Variants in PCDH9 observed in about 807,000 individuals in gnomAD.
The protein encoded by PCDH9 is protocadherin 9.
In PCDH9, 24 loss-of-function variants were observed where a neutral mutation model predicts 70.6. That is an observed-to-expected ratio of 0.34 (90% CI 0.25 to 0.48). PCDH9 has a LOEUF of 0.48. PCDH9 is among the 20% of genes least tolerant of loss of function. The pLI, the probability that PCDH9 is intolerant of heterozygous loss-of-function variation, is 0.99. For synonymous variants in PCDH9, 562 were observed against 558.5 expected (o/e 1.01, Z -0.09); for missense variants, 1,281 against 1,503.6 (o/e 0.85, Z 2.45).
chr13:67,151,322 C>G (rs1400669417), intron 2 of PCDH9, among the ~76,000 whole-genome samples: 3 of 152,092 alleles, frequency 2.0e-5, no homozygotes, highest in Non-Finnish European at 4.4e-5. Context: ...TTTGTATCCC[C>G]CAATTTGTTC....
chr13:67,080,052 C>T (rs1220166807), intron 2 of PCDH9, among the ~76,000 whole-genome samples: 1 of 152,132 alleles, frequency 6.6e-6, no homozygotes, highest in Non-Finnish European at 1.5e-5. Context: ...CAATTCCTGT[C>T]TCCCTGAAAT....
In PCDH9 at chr13:66,864,954, G is replaced by A. The variant is rs570172997; in HGVS notation, c.3138+38550C>T. ...CGTGGTGAGAACCTGCAGGAAAGAC[G>A]AGAACTACAGAAGGAGGACAAATAC... is the stretch of plus-strand genomic sequence containing the variant. On this transcript the variant is annotated intron_variant, in intron 3 of 4. Transcript: ENST00000377865. Among the ~76,000 whole-genome samples the A allele has an allele frequency of 2.0e-4, 30 of 152,280 alleles. 1 individual carries two copies. Among genetic ancestry groups the A allele is most frequent in the Admixed American group, 1.5e-3 (23 of 15,286 alleles).
intron 3 of PCDH9, among the ~76,000 whole-genome samples, chr13:66,848,629 A>G (rs183167313): frequency 8.7e-4 from 132 of 152,258 alleles, no homozygotes; most frequent in Non-Finnish European, 1.5e-3. Flanking sequence ...TCTAGAATGT[A>G]TAAGAGGAGC....
At chr13:66,999,261 G>C (rs1208084818) in intron 2 of PCDH9, among the ~76,000 whole-genome samples, 1 of 152,110 alleles carries the variant, frequency 6.6e-6, no homozygotes, top group Non-Finnish European at 1.5e-5. Context: ...GCAAAGTTGA[G>C]ATACAGGTTT....
chr13:66,626,107 G>T (rs1052144372), intron 4 of PCDH9, among the ~76,000 whole-genome samples: 10 of 152,084 alleles, frequency 6.6e-5, no homozygotes, highest in African/African-American at 2.4e-4. Context: ...TAGAGGAGTT[G>T]TGCTTTTGAG....
At chr13:66,357,164 A>G (rs1956398095) in intron 4 of PCDH9, among the ~76,000 whole-genome samples, 2 of 152,104 alleles carry the variant, frequency 1.3e-5, no homozygotes, top group African/African-American at 2.4e-5. Flanking sequence ...AAATAAACTC[A>G]GAAGTCCTAC....
intron 2 of PCDH9, among the ~76,000 whole-genome samples, chr13:67,150,694 C>T (rs1201783663): frequency 1.3e-5 from 2 of 152,102 alleles, no homozygotes; most frequent in African/African-American, 4.8e-5. Context: ...AAACCATTTG[C>T]AACTAACATA....
intron 3 of PCDH9, among the ~76,000 whole-genome samples, chr13:66,738,562 C>A: frequency 8.2e-6 from 1 of 121,460 alleles, no homozygotes; most frequent in Non-Finnish European, 1.8e-5. Flanking sequence ...GGAGGACATT[C>A]AAACGAAAGG....
At chr13:66,729,983 A>C (rs532459749) in intron 3 of PCDH9, among the ~76,000 whole-genome samples, 3 of 152,160 alleles carry the variant, frequency 2.0e-5, no homozygotes, top group Non-Finnish European at 4.4e-5. Flanking sequence ...GTAGAATAAT[A>C]TATGTTTAAC....
At chr13:66,975,883 A>G (rs1849000417) in intron 2 of PCDH9, among the ~76,000 whole-genome samples, 1 of 152,064 alleles carries the variant, frequency 6.6e-6, no homozygotes, top group Non-Finnish European at 1.5e-5. Context: ...GGAACTTTAC[A>G]ATGAGTGGAA....
At chr13:67,087,687 C>T (rs997578071) in intron 2 of PCDH9, among the ~76,000 whole-genome samples, 1 of 152,012 alleles carries the variant, frequency 6.6e-6, no homozygotes, top group Non-Finnish European at 1.5e-5. Context: ...ACAACACAGG[C>T]CAATGTGTTT....
chr13:66,949,512 C>A (rs1383601649), intron 2 of PCDH9, among the ~76,000 whole-genome samples: 4 of 151,914 alleles, frequency 2.6e-5, no homozygotes, highest in Non-Finnish European at 5.9e-5. Flanking sequence ...ATGGAGTAGG[C>A]AGCTTATGGG....
At chr13:67,135,578 T>G (rs1028267741) in intron 2 of PCDH9, among the ~76,000 whole-genome samples, 4 of 152,066 alleles carry the variant, frequency 2.6e-5, no homozygotes, top group Non-Finnish European at 5.9e-5. Context: ...AATTTCACGG[T>G]AAGAACATTG....
chr13:67,225,359 G>C (rs1350278832), intron 2 of PCDH9, 46 bp downstream of exon 2: 4 of 1,562,174 alleles, frequency 2.6e-6, no homozygotes, highest in Non-Finnish European at 3.5e-6. Context: ...TGGTTGACTG[G>C]GCACTTGTAT....
At chr13:66,556,662 C>T (rs377455731) in intron 4 of PCDH9, among the ~76,000 whole-genome samples, 4 of 152,094 alleles carry the variant, frequency 2.6e-5, no homozygotes, top group East Asian at 3.9e-4. Flanking sequence ...TGATGTTTGC[C>T]TGAACTGCAT....
intron 4 of PCDH9, among the ~76,000 whole-genome samples, chr13:66,424,573 G>T (rs974710611): frequency 1.3e-5 from 2 of 151,902 alleles, no homozygotes; most frequent in African/African-American, 4.8e-5. Context: ...TAAAGTAAAA[G>T]TCTGTATAGC....
Position 66,349,050 on chromosome 13 carries a change from G to T in PCDH9, c.3341-44022C>A, listed in dbSNP as rs540840993. On this transcript the variant is annotated intron_variant, in intron 4 of 4. Coordinates refer to ENST00000377865, the MANE Select transcript of PCDH9 (RefSeq NM_203487.3). ...GAAGTATCTAGAAAATAGATTTCTG[G>T]ACTCAAACCAAACATCCTCAATCAG... is the stretch of plus-strand genomic sequence containing the variant. Among the ~76,000 whole-genome samples, 7 of 152,148 alleles carry T rather than the reference G, an allele frequency of 4.6e-5. No individual in the cohort carries two copies. In the East Asian group the frequency reaches 1.2e-3, roughly 25 times the overall value.
At chr13:66,478,857 T>A (rs544561594) in intron 4 of PCDH9, among the ~76,000 whole-genome samples, 2 of 152,232 alleles carry the variant, frequency 1.3e-5, no homozygotes, top group South Asian at 2.1e-4. Flanking sequence ...ATAGCTAAGA[T>A]AATTGATGAC....
intron 3 of PCDH9, among the ~76,000 whole-genome samples, chr13:66,879,397 A>G (rs1319167362): frequency 6.6e-6 from 1 of 152,166 alleles, no homozygotes; most frequent in Admixed American, 6.5e-5. Context: ...TATATTGAAA[A>G]TAGATGATTA....
Sources: gnomAD v4.1 joint callset for allele counts (sites outside exome capture counted in the v4.1 genomes callset) on GRCh38, gnomAD v4.1.1 for gene constraint, MANE v1.5 for transcripts, NCBI Gene and HGNC (gene_info 2026-07-23, HGNC 2026-07-21) for gene names.